CTXN3: variants seen among roughly 807,000 people sequenced by gnomAD.
CTXN3 encodes the protein cortexin 3.
In CTXN3, 4 loss-of-function variants were observed where a neutral mutation model predicts 5.0. That is an observed-to-expected ratio of 0.79 (90% CI 0.39 to 1.82). The LOEUF is 1.82. Ranked by LOEUF, CTXN3 falls within the 40% of genes most tolerant of loss-of-function variation. CTXN3 has a pLI of 0.04. For missense variants in CTXN3, 89 were observed against 99.7 expected, an observed-to-expected ratio of 0.89 and a Z score of 0.46; for synonymous variants, 48 against 38.6, an observed-to-expected ratio of 1.24 and a Z score of -0.91.
rs75303453 is a variant in CTXN3 at position 127,650,484 on chromosome 5, A to G, written c.-207+1096A>G. ...GAGGGCTGTACTTGGAAAAAAATAT[A>G]GAGATGTTGCCGTGTATATGAGCCA... On this transcript the variant is annotated intron_variant, in intron 1 of 2. Transcript: ENST00000379445. Among the ~76,000 whole-genome samples, 137 of 152,276 alleles carry G rather than the reference A, an allele frequency of 9.0e-4. 2 individuals are homozygous for G. The East Asian group carries it at 0.025, about 27-fold the overall frequency.
chr5:127,657,998 A>G lies in CTXN3; in HGVS notation c.*231A>G, dbSNP rs1424456802. ...AGGTTTAAATTTTTATGTTTGCTCA[A>G]TGAATGAGTACTCTTAAAATTGTGT... On this transcript the variant is annotated 3_prime_UTR_variant, in exon 3 of 3. Transcript: ENST00000379445. 2.5e-5 allele frequency: 13 copies of G among 517,378 alleles called. No individual in the cohort carries two copies. Among genetic ancestry groups the G allele is most frequent in the Non-Finnish European group, 4.3e-5 (12 of 280,506 alleles). 32.0% of individuals were successfully genotyped at this position (517,378 alleles called of 1,614,324 possible). A position where few individuals can be genotyped will look rare whatever the true frequency, so the allele number is the denominator to read the frequency against.
intron 1 of CTXN3, among the ~76,000 whole-genome samples, chr5:127,652,553 G>T (rs948600867): frequency 6.6e-6 from 1 of 151,920 alleles, no homozygotes; most frequent in Admixed American, 6.6e-5. Context: ...CCCCATCCTT[G>T]GTGAAGGGAA....
rs1749959602 is a variant in CTXN3, at chr5:127,658,154, C to T, written c.*387C>T. 4.6e-6 allele frequency: 1 copy of T among 217,360 alleles called. No individual in the cohort carries two copies. Among genetic ancestry groups the T allele is most frequent in the Non-Finnish European group, 1.0e-5 (1 of 99,016 alleles). 13.5% of individuals were successfully genotyped at this position (217,360 alleles called of 1,614,324 possible). On this transcript the variant is annotated 3_prime_UTR_variant, in exon 3 of 3. Transcript: ENST00000379445. Reference sequence around the variant, plus strand: ...TGGTGACAAGGCCAGGAAGAGATTTCCTTGCTCTAATTATGTCTATATTTG... The same window carrying T: ...TGGTGACAAGGCCAGGAAGAGATTTTCTTGCTCTAATTATGTCTATATTTG...
At chr5:127,652,627 A>T (rs1749808740) in intron 1 of CTXN3, among the ~76,000 whole-genome samples, 2 of 151,926 alleles carry the variant, frequency 1.3e-5, no homozygotes, top group South Asian at 4.2e-4. Context: ...AGAGATGGAA[A>T]GAAGGAGAGG....
In CTXN3 at chr5:127,656,138, C is replaced by A. The variant is rs183791155; in HGVS notation, c.-99-1285C>A. On this transcript the variant is annotated intron_variant, in intron 2 of 2. Transcript: ENST00000379445. Reference sequence around the variant, plus strand: ...TTTGTGTCCGTGTTAATTTCCGTAGCTAATTACTGTGCTTTGTAATTTTTA... The same window carrying A: ...TTTGTGTCCGTGTTAATTTCCGTAGATAATTACTGTGCTTTGTAATTTTTA... Among the ~76,000 whole-genome samples the A allele has an allele frequency of 5.3e-4, 80 of 152,162 alleles. 1 individual carries two copies. The highest frequency in any genetic ancestry group is 1.3e-3 in the African/African-American group (53 of 41,528).
intron 1 of CTXN3, chr5:127,651,573 G>T (rs527814119): frequency 1.3e-5 from 2 of 152,014 alleles, no homozygotes; most frequent in East Asian, 3.9e-4. Context: ...TCACATAATA[G>T]AAATTAAAAA....
chr5:127,655,945 T>A (rs12519747), intron 2 of CTXN3, among the ~76,000 whole-genome samples: 4 of 152,058 alleles, frequency 2.6e-5, no homozygotes, highest in African/African-American at 7.3e-5. Flanking sequence ...TTTTTTAAAC[T>A]GTAATTTTAC....
chr5:127,657,719 T>C lies in CTXN3; in HGVS notation c.198T>C (p.Asp66=), dbSNP rs1749946489. 6.2e-7 allele frequency: 1 copy of C among 1,614,208 alleles called. No homozygotes were observed. The highest frequency in any genetic ancestry group is 8.5e-7 in the Non-Finnish European group (1 of 1,180,012). Residue 66 remains aspartate, a synonymous_variant, in exon 3 of 3, where the codon GAT becomes GAC. Coordinates refer to ENST00000379445, the MANE Select transcript of CTXN3 (RefSeq NM_001048252.3). ...GCATGCCAACCTCTACCTGGGCTGA[T>C]GGACTTGAAGGCCTGGAGAAAGGGC... The part of the protein sequence containing the change: ...YRSMPTSTWA[D]GLEGLEKGQF...
rs1749943227 is a variant in CTXN3 at position 127,657,608 on chromosome 5, G to T, written c.87G>T (p.Met29Ile). The T allele has an allele frequency of 2.5e-6, 4 of 1,614,088 alleles. No homozygotes were observed. Among genetic ancestry groups the T allele is most frequent in the Non-Finnish European group, 3.4e-6 (4 of 1,180,034 alleles). The change falls in exon 3 of 3, where the codon ATG becomes ATT. Residue 29 changes from methionine to isoleucine, a missense_variant. Met to Ile is a conservative substitution (Grantham distance 10, BLOSUM62 1). Transcript: ENST00000379445. Reference protein sequence around the residue: ...ADSSMSLEQKMTFVFVILLFI... With the variant: ...ADSSMSLEQKITFVFVILLFI... ...CTAGCATGTCCCTGGAGCAGAAAAT[G>T]ACATTTGTTTTTGTGATTCTGTTGT...
At chr5:127,656,483 T>C (rs1014781113) in intron 2 of CTXN3, among the ~76,000 whole-genome samples, 6 of 152,226 alleles carry the variant, frequency 3.9e-5, no homozygotes, top group Non-Finnish European at 5.9e-5. Flanking sequence ...AACTGTCCTT[T>C]TGAAAATATG....
intron 1 of CTXN3, among the ~76,000 whole-genome samples, chr5:127,650,613 C>G (rs891388432): frequency 6.6e-6 from 1 of 152,154 alleles, no homozygotes; most frequent in Non-Finnish European, 1.5e-5. Context: ...GCCATGAATT[C>G]TTTGAATTTA....
chr5:127,654,155 T>A (rs1187009790), intron 2 of CTXN3, among the ~76,000 whole-genome samples: 1 of 152,236 alleles, frequency 6.6e-6, no homozygotes, highest in Non-Finnish European at 1.5e-5. Flanking sequence ...GAGACGTTGA[T>A]ACTTTGACCA....
At chr5:127,650,848 T>G (rs919572884) in intron 1 of CTXN3, among the ~76,000 whole-genome samples, 4 of 152,176 alleles carry the variant, frequency 2.6e-5, no homozygotes, top group African/African-American at 9.7e-5. Flanking sequence ...GTGAGTGGGT[T>G]GGAGAATGAA....
rs950320510 is a variant in CTXN3 at position 127,649,325 on chromosome 5, G to A, written c.-270G>A. Reference sequence around the variant, plus strand: ...GTCGGGAAGAATGGAAACTAAAGAGGCTTGTAACTACCTGTAACTGTTCCA... The same window carrying A: ...GTCGGGAAGAATGGAAACTAAAGAGACTTGTAACTACCTGTAACTGTTCCA... On this transcript the variant is annotated 5_prime_UTR_variant, in exon 1 of 3. Coordinates refer to ENST00000379445, the MANE Select transcript of CTXN3 (RefSeq NM_001048252.3). The A allele has an allele frequency of 1.3e-5, 2 of 152,148 alleles. No homozygotes were observed. Among genetic ancestry groups the A allele is most frequent in the African/African-American group, 4.8e-5 (2 of 41,426 alleles). 9.4% of individuals were successfully genotyped at this position (152,148 alleles called of 1,614,324 possible). A position where few individuals can be genotyped will look rare whatever the true frequency, so the allele number is the denominator to read the frequency against.
chr5:127,651,405 A>C (rs948222318), intron 1 of CTXN3, among the ~76,000 whole-genome samples: 2 of 152,134 alleles, frequency 1.3e-5, no homozygotes, highest in Non-Finnish European at 2.9e-5. Context: ...TTAACACCTG[A>C]GGGATGACAC....
chr5:127,652,744 C>A (rs1487128586), intron 1 of CTXN3, among the ~76,000 whole-genome samples: 1 of 152,136 alleles, frequency 6.6e-6, no homozygotes, highest in Admixed American at 6.5e-5. Context: ...TAGAGCACAG[C>A]AGGTATTGGA....
At chr5:127,655,675 A>G (rs1269939940) in intron 2 of CTXN3, among the ~76,000 whole-genome samples, 1 of 152,204 alleles carries the variant, frequency 6.6e-6, no homozygotes, top group Non-Finnish European at 1.5e-5. Context: ...ACCCAAGGCT[A>G]GGAGGGTGCT....
intron 1 of CTXN3, among the ~76,000 whole-genome samples, chr5:127,650,665 A>G (rs791077): frequency 0.72 from 109,237 of 152,084 alleles, 39,547 homozygotes; most frequent in Middle Eastern, 0.87. Context: ...CCTGAATGCA[A>G]GTTACTGTTC....
At chr5:127,650,156 C>T (rs1749754461) in intron 1 of CTXN3, among the ~76,000 whole-genome samples, 1 of 152,066 alleles carries the variant, frequency 6.6e-6, no homozygotes, top group African/African-American at 2.4e-5. Context: ...CTCCTGCTGA[C>T]CCAGAGCTTA....
Sources: gnomAD v4.1 joint callset for allele counts (sites outside exome capture counted in the v4.1 genomes callset) on GRCh38, gnomAD v4.1.1 for gene constraint, MANE v1.5 for transcripts, NCBI Gene and HGNC (gene_info 2026-07-23, HGNC 2026-07-21) for gene names.